Variants in OTULIN observed in about 807,000 individuals in gnomAD.
OTULIN encodes ubiquitin thioesterase otulin.
Under a neutral mutation model 39.6 loss-of-function variants are expected in OTULIN, and 15 were observed. The ratio of observed to expected loss-of-function variants is 0.38; its 90% CI spans 0.25 to 0.58. OTULIN has a LOEUF of 0.58. Among genes scored for constraint, OTULIN ranks in the 20% least tolerant of loss-of-function variants. The pLI is 0.66. For missense variants in OTULIN, 319 were observed against 445.9 expected (o/e 0.72, Z 2.56); for synonymous variants, 156 against 170.3 (o/e 0.92, Z 0.65).
rs1039835085 is a variant in OTULIN, at chr5:14,684,998, T to C, written c.469-2523T>C. On this transcript the variant is annotated intron_variant, in intron 4 of 6. Transcript: ENST00000284274. ...TCTGCCCAGATCCCAGTCTCCGTGTTTGGCTGCAGCCAGATCATCTGACCC... is the reference window on the plus strand; with the variant it reads ...TCTGCCCAGATCCCAGTCTCCGTGTCTGGCTGCAGCCAGATCATCTGACCC... 2.0e-5 allele frequency among the ~76,000 whole-genome samples: 3 copies of C among 152,348 alleles called. No individual in the cohort carries two copies. In the East Asian group the frequency reaches 5.8e-4, roughly 29 times the overall value.
At chr5:14,706,773 C>G in the OTULIN span, 1 of 152,110 alleles carries the variant, frequency 6.6e-6, no homozygotes, top group African/African-American at 2.4e-5. Flanking sequence ...GCTTCAATGA[C>G]AGAAATAGAG....
At chr5:14,669,950 T>C (rs1735941052) in intron 1 of OTULIN, among the ~76,000 whole-genome samples, 1 of 152,250 alleles carries the variant, frequency 6.6e-6, no homozygotes, top group African/African-American at 2.4e-5. Context: ...TTCTAGCTGT[T>C]TGAATCTATA....
intron 1 of OTULIN, among the ~76,000 whole-genome samples, chr5:14,671,636 C>G (rs867912611): frequency 3.3e-5 from 5 of 152,162 alleles, no homozygotes; most frequent in African/African-American, 1.2e-4. Flanking sequence ...GGCATGGGCT[C>G]TAAGGATGAC....
At chr5:14,707,643 G>GC in the OTULIN span, 3 of 152,038 alleles carry the variant, frequency 2.0e-5, no homozygotes, top group Admixed American at 6.6e-5. Flanking sequence ...CCCATCCTGG[G>GC]CCCCCCACCC....
intron 3 of OTULIN, among the ~76,000 whole-genome samples, chr5:14,680,169 G>A (rs1031596601): frequency 8.5e-5 from 13 of 152,216 alleles, no homozygotes; most frequent in African/African-American, 3.1e-4. Flanking sequence ...GTATTCTGGG[G>A]TAATTGAGGT....
the OTULIN span, chr5:14,711,077 C>T: frequency 2.2e-6 from 2 of 891,528 alleles, no homozygotes; most frequent in Non-Finnish European, 1.9e-6. Context: ...AAATCAAGGC[C>T]TCTTTCATTA....
intron 6 of OTULIN, among the ~76,000 whole-genome samples, chr5:14,691,970 A>G (rs182888877): frequency 6.6e-6 from 1 of 152,348 alleles, no homozygotes; most frequent in East Asian, 1.9e-4. Context: ...TGGATGGATC[A>G]CATTTTATTC....
chr5:14,713,487 G>A, the OTULIN span: 12 of 1,607,444 alleles, frequency 7.5e-6, no homozygotes, highest in Middle Eastern at 1.7e-4. This position sits in a 1 kb window ranked among gnomAD's most constrained non-coding sequence, Gnocchi z 4.4. Flanking sequence ...TTAAACCTCT[G>A]GACACAGTAT....
downstream of OTULIN, among the ~76,000 whole-genome samples, chr5:14,700,734 A>T (rs1736780353): frequency 6.6e-6 from 1 of 151,260 alleles, no homozygotes; most frequent in South Asian, 2.1e-4. Flanking sequence ...TGGTGAGCAG[A>T]ACTGGCATGA....
intron 2 of OTULIN, among the ~76,000 whole-genome samples, chr5:14,676,833 A>G (rs1736115825): frequency 6.6e-6 from 1 of 152,198 alleles, no homozygotes; most frequent in South Asian, 2.1e-4. Context: ...ATGGAAAGAC[A>G]GCTACATGAG....
intron 2 of OTULIN, among the ~76,000 whole-genome samples, chr5:14,676,917 T>C (rs1351668078): frequency 1.3e-5 from 2 of 152,206 alleles, no homozygotes; most frequent in South Asian, 2.1e-4. Context: ...TCTTTAAGGA[T>C]TGGCTGTGCA....
In OTULIN at chr5:14,693,885, A is replaced by G. The variant is rs1209978351; in HGVS notation, c.*837A>G. On this transcript the variant is annotated 3_prime_UTR_variant, in exon 7 of 7. Coordinates refer to ENST00000284274, the MANE Select transcript of OTULIN (RefSeq NM_138348.6). ...TGCAGGTGGTGCCCCATCAGTGTGGACAGACACTACTTGCCTTTGTGGTTT... is the reference window on the plus strand; with the variant it reads ...TGCAGGTGGTGCCCCATCAGTGTGGGCAGACACTACTTGCCTTTGTGGTTT... The G allele has an allele frequency of 2.6e-5, 4 of 152,188 alleles. No homozygotes were observed. The highest frequency in any genetic ancestry group is 5.9e-5 in the Non-Finnish European group (4 of 68,064). 9.4% of individuals were successfully genotyped at this position (152,188 alleles called of 1,614,324 possible). A position where few individuals can be genotyped will look rare whatever the true frequency, so the allele number is the denominator to read the frequency against.
Position 14,678,726 on chromosome 5 carries a change from G to A in OTULIN, c.275G>A (p.Cys92Tyr). The change falls in exon 3 of 7, where the codon TGC (cysteine) becomes TAC (tyrosine). Residue 92 changes from cysteine (C) to tyrosine (Y), a missense_variant. Physicochemically the swap from Cys to Tyr is radical, Grantham distance 194 (BLOSUM62 -2). This residue lies in a region of OTULIN where 132 missense variants were observed against 143.7 expected (regional missense o/e 0.92). Coordinates refer to ENST00000284274, the MANE Select transcript of OTULIN (RefSeq NM_138348.6). ...CCTGAAATGGATATCATGGACTACT[G>A]CAAAAAAGAATGGAGAGGAAATACA... is the stretch of plus-strand genomic sequence containing the variant. ...VAPEMDIMDY[C>Y]KKEWRGNTQK... 1 of 1,606,012 alleles carries A rather than the reference G, an allele frequency of 6.2e-7. No individual in the cohort carries two copies. Among genetic ancestry groups the A allele is most frequent in the Non-Finnish European group, 8.5e-7 (1 of 1,176,830 alleles).
chr5:14,673,828 A>G (rs1036718635), intron 2 of OTULIN, 110 bp downstream of exon 2: 7 of 884,908 alleles, frequency 7.9e-6, no homozygotes, highest in Non-Finnish European at 1.0e-5. Context: ...TCTTATGTAT[A>G]TGGTCTTATC....
chr5:14,669,505 C>T (rs2050461414), intron 1 of OTULIN, among the ~76,000 whole-genome samples: 3 of 152,328 alleles, frequency 2.0e-5, no homozygotes. Flanking sequence ...AGCACGGTGG[C>T]TCACACCTGT....
At chr5:14,706,178 A>C in the OTULIN span, 1 of 152,222 alleles carries the variant, frequency 6.6e-6, no homozygotes, top group African/African-American at 2.4e-5. Flanking sequence ...AGTAAAGTGC[A>C]CTTTAAGTTA....
intron 1 of OTULIN, among the ~76,000 whole-genome samples, chr5:14,668,703 T>C (rs1171440520): frequency 6.6e-6 from 1 of 152,254 alleles, no homozygotes; most frequent in Non-Finnish European, 1.5e-5. Flanking sequence ...GGAACAACTT[T>C]TAAAAAGTTC....
At position 14,698,038 on chromosome 5, in the gene OTULIN, T is replaced by C. The variant is rs949707875; in HGVS notation, c.*4990T>C. On this transcript the variant is annotated 3_prime_UTR_variant, in exon 7 of 7. Coordinates refer to ENST00000284274, the MANE Select transcript of OTULIN (RefSeq NM_138348.6). The stretch of plus-strand genomic sequence containing the variant: ...AGCAATCCACAGTAATGTTGGTTAC[T>C]TCTGAGTATTTGATAAAGGAACAAA... 1.3e-5 allele frequency: 2 copies of C among 152,240 alleles called. No homozygotes were observed. The highest frequency in any genetic ancestry group is 4.8e-5 in the African/African-American group (2 of 41,460). 9.4% of individuals were successfully genotyped at this position (152,240 alleles called of 1,614,324 possible). A position where few individuals can be genotyped will look rare whatever the true frequency, so the allele number is the denominator to read the frequency against.
the OTULIN span, chr5:14,704,893 A>C: frequency 6.6e-6 from 1 of 152,246 alleles, no homozygotes; most frequent in African/African-American, 2.4e-5. Flanking sequence ...ATAAACCCTG[A>C]AACAAAGCAT....
Sources: allele counts gnomAD v4.1 joint callset (sites outside exome capture counted in the v4.1 genomes callset), GRCh38; gene constraint gnomAD v4.1.1; regional missense constraint gnomAD v4.1.1; non-coding constraint Gnocchi (gnomAD v3.1); transcripts MANE v1.5; gene names NCBI Gene and HGNC (gene_info 2026-07-23, HGNC 2026-07-21).